The following TANGO6 variants were observed in gnomAD, a reference collection of about 807,000 sequenced individuals.
TANGO6 encodes transport and golgi organization 6 homolog, also known as transport and Golgi organization protein 6 homolog.
TANGO6 carries 90 observed loss-of-function variants against 114.2 expected under a neutral mutation model. The observed-to-expected ratio is 0.79, with a 90% CI of 0.66 to 0.94. The LOEUF (loss-of-function observed/expected upper bound fraction) is 0.94. Ranked by LOEUF, TANGO6 falls within the 40% of genes least tolerant of loss-of-function variation. The probability of loss-of-function intolerance (pLI) is 0.00; values close to 1 mark genes in which losing one functional copy is unlikely to be tolerated. For synonymous variants in TANGO6, 477 were observed against 509.8 expected (o/e 0.94, Z 0.87); for missense variants, 1,274 against 1,315.3 (o/e 0.97, Z 0.49).
chr16:68,880,603 T>C lies in TANGO6; in HGVS notation c.1350T>C (p.Leu450=), dbSNP rs764268884. The change falls in exon 7 of 18, where the codon CTT becomes CTC. Residue 450 remains leucine, a synonymous_variant. Transcript: ENST00000261778. ...PGTILVTEEE[L]SRCIEDVFKV... is the part of the protein sequence containing the mutation. Reference sequence around the variant, plus strand: ...CTATTTTGGTGACAGAAGAAGAACTTAGTAGATGCATTGAGGATGTGTTTA... The same window carrying C: ...CTATTTTGGTGACAGAAGAAGAACTCAGTAGATGCATTGAGGATGTGTTTA... 1.2e-6 allele frequency: 2 copies of C among 1,612,630 alleles called. No individual in the cohort carries two copies. The highest frequency in any genetic ancestry group is 1.7e-6 in the Non-Finnish European group (2 of 1,179,232).
At chr16:68,941,231 C>T (rs1036258589) in intron 14 of TANGO6, among the ~76,000 whole-genome samples, 2 of 152,128 alleles carry the variant, frequency 1.3e-5, no homozygotes, top group Non-Finnish European at 2.9e-5. Flanking sequence ...TACAAAAGTA[C>T]ACTCTGTCAA....
At chr16:69,012,556 C>CA (rs1175561720) in intron 15 of TANGO6, among the ~76,000 whole-genome samples, 1,088 of 34,882 alleles carry the variant, frequency 0.031, 8 homozygotes, top group East Asian at 0.044. Context: ...AACTCTGTCT[C>CA]AAAAAAAAAA....
chr16:69,033,336 G>A (rs757784606), intron 16 of TANGO6, among the ~76,000 whole-genome samples: 2 of 152,184 alleles, frequency 1.3e-5, no homozygotes, highest in Admixed American at 6.5e-5. Context: ...TTGTCTTTGC[G>A]AACAGAAGGA....
intron 11 of TANGO6, among the ~76,000 whole-genome samples, chr16:68,913,447 C>T (rs1229387230): frequency 7.4e-6 from 1 of 134,710 alleles, no homozygotes; most frequent in East Asian, 2.2e-4. Context: ...CTCACTCTGT[C>T]GCCCAGGCTG....
At chr16:68,899,602 ACTTTT>A (rs987401113) in intron 7 of TANGO6, among the ~76,000 whole-genome samples, 11 of 151,336 alleles carry the variant, frequency 7.3e-5, no homozygotes, top group African/African-American at 2.7e-4. Context: ...CAGTGCAATT[ACTTTT>A]CTTTTTTTTT....
chr16:68,968,846 ATT>A (rs1286084221), intron 14 of TANGO6, among the ~76,000 whole-genome samples: 6 of 144,982 alleles, frequency 4.1e-5, no homozygotes, highest in Admixed American at 7.0e-5. Context: ...AATTTTTTGT[ATT>A]TTTAGTAGAA....
chr16:68,939,075 A>T (rs1014647656), intron 14 of TANGO6, among the ~76,000 whole-genome samples: 1 of 148,828 alleles, frequency 6.7e-6, no homozygotes, highest in Admixed American at 6.7e-5. Context: ...CTGTCCCCAA[A>T]AAAAAAAAAA....
At chr16:68,976,107 G>A (rs1229309171) in intron 15 of TANGO6, among the ~76,000 whole-genome samples, 1 of 151,676 alleles carries the variant, frequency 6.6e-6, no homozygotes, top group Non-Finnish European at 1.5e-5. Flanking sequence ...GCTAATTTTT[G>A]TATTTTTGTA....
At chr16:68,963,360 G>T (rs947004423) in intron 14 of TANGO6, among the ~76,000 whole-genome samples, 2 of 151,992 alleles carry the variant, frequency 1.3e-5, no homozygotes, top group African/African-American at 4.8e-5. Context: ...AAAGTGATCC[G>T]CCCACCTCGG....
intron 15 of TANGO6, among the ~76,000 whole-genome samples, chr16:69,020,774 G>C (rs1322137081): frequency 2.6e-5 from 4 of 152,212 alleles, no homozygotes; most frequent in Admixed American, 6.5e-5. Context: ...GCATACACCT[G>C]TCTTCCCAGC....
At chr16:68,913,383 T>C (rs1329639659) in intron 11 of TANGO6, among the ~76,000 whole-genome samples, 1 of 150,922 alleles carries the variant, frequency 6.6e-6, no homozygotes, top group African/African-American at 2.4e-5. Context: ...AGCACACTAC[T>C]ATACCTCAAT....
intron 15 of TANGO6, among the ~76,000 whole-genome samples, chr16:68,998,674 T>G: frequency 6.8e-6 from 1 of 146,010 alleles, no homozygotes; most frequent in Non-Finnish European, 1.5e-5. Flanking sequence ...GAGGTTGCAG[T>G]GGGCCAAGAT....
intron 15 of TANGO6, among the ~76,000 whole-genome samples, chr16:68,995,165 T>C (rs1295508500): frequency 6.6e-6 from 1 of 152,200 alleles, no homozygotes; most frequent in Non-Finnish European, 1.5e-5. Flanking sequence ...AAATCATTCC[T>C]ACTTGTGTGG....
chr16:68,887,630 G>A lies in TANGO6; in HGVS notation c.1377+7000G>A, dbSNP rs112472096. On this transcript the variant is annotated intron_variant, in intron 7 of 17. Coordinates refer to ENST00000261778, the MANE Select transcript of TANGO6 (RefSeq NM_024562.2). ...AGTGGCTCATGCCTATAATCCCAGC[G>A]CTTTGGGAGGCCAAGGCGGGCAAAT... Among the ~76,000 whole-genome samples, 747 of 152,178 alleles carry A rather than the reference G, an allele frequency of 4.9e-3. 5 individuals carry two copies. The highest frequency in any genetic ancestry group is 0.017 in the African/African-American group (707 of 41,524).
intron 16 of TANGO6, among the ~76,000 whole-genome samples, chr16:69,023,424 C>T (rs1342231751): frequency 2.6e-5 from 4 of 152,062 alleles, no homozygotes; most frequent in East Asian, 1.9e-4. Context: ...CCACTGCACT[C>T]CAGCCTGGGC....
intron 4 of TANGO6, chr16:68,868,083 A>G (rs1206450614): frequency 6.6e-6 from 1 of 151,398 alleles, no homozygotes; most frequent in African/African-American, 2.4e-5. Context: ...GTTCGAGGCT[A>G]TAGTGAGCCA....
intron 17 of TANGO6, among the ~76,000 whole-genome samples, chr16:69,041,080 C>A (rs1959765769): frequency 6.6e-6 from 1 of 152,124 alleles, no homozygotes; most frequent in Non-Finnish European, 1.5e-5. Flanking sequence ...TAATTCACCA[C>A]CCAGTATCCA....
chr16:68,961,950 C>A (rs754316926), intron 14 of TANGO6, among the ~76,000 whole-genome samples: 1 of 152,152 alleles, frequency 6.6e-6, no homozygotes, highest in Admixed American at 6.5e-5. Context: ...GTAGCTCTTT[C>A]GTCTAACCCT....
chr16:68,903,066 C>T (rs985393656), intron 9 of TANGO6, among the ~76,000 whole-genome samples: 1 of 152,126 alleles, frequency 6.6e-6, no homozygotes, highest in Non-Finnish European at 1.5e-5. Flanking sequence ...GTTATTACCT[C>T]AGAACGTAAA....
Sources: gnomAD v4.1 joint callset for allele counts (sites outside exome capture counted in the v4.1 genomes callset) on GRCh38, gnomAD v4.1.1 for gene constraint, MANE v1.5 for transcripts, NCBI Gene and HGNC (gene_info 2026-07-23, HGNC 2026-07-21) for gene names.